RIMS4: variants seen among roughly 807,000 people sequenced by gnomAD.
RIMS4 encodes the protein regulating synaptic membrane exocytosis 4, also known as regulating synaptic membrane exocytosis protein 4.
In RIMS4, 9 loss-of-function variants were observed where a neutral mutation model predicts 29.0. The observed-to-expected ratio is 0.31, with a 90% CI of 0.19 to 0.54. The LOEUF (loss-of-function observed/expected upper bound fraction) is 0.54. Among genes scored for constraint, RIMS4 ranks in the 20% least tolerant of loss-of-function variants. The pLI, the probability that RIMS4 is intolerant of heterozygous loss-of-function variation, is 0.94. For synonymous variants in RIMS4, 130 were observed against 152.9 expected, an observed-to-expected ratio of 0.85 and a Z score of 1.10; for missense variants, 193 against 365.7, an observed-to-expected ratio of 0.53 and a Z score of 3.85.
At chr20:44,809,080 C>T (rs1303957699) in intron 1 of RIMS4, among the ~76,000 whole-genome samples, 1 of 152,160 alleles carries the variant, frequency 6.6e-6, no homozygotes, top group Admixed American at 6.5e-5. Flanking sequence ...ACACTGAACT[C>T]CACCCTCACA....
chr20:44,774,158 GTGAC>G (rs1262246901), intron 1 of RIMS4, among the ~76,000 whole-genome samples: 1 of 152,106 alleles, frequency 6.6e-6, no homozygotes, highest in East Asian at 1.9e-4. Flanking sequence ...GGCCCCCAAA[GTGAC>G]TGTTCCAGTG....
intron 1 of RIMS4, among the ~76,000 whole-genome samples, chr20:44,778,153 A>G (rs572468065): frequency 1.3e-5 from 2 of 152,310 alleles, no homozygotes; most frequent in African/African-American, 4.8e-5. Context: ...CAGAGCACTG[A>G]TGTTGCCTCT....
In RIMS4 at chr20:44,799,722, G is replaced by A. The variant is rs546748131; in HGVS notation, c.97+10453C>T. Among the ~76,000 whole-genome samples, 3 of 152,252 alleles carry A rather than the reference G, an allele frequency of 2.0e-5. No individual in the cohort carries two copies. The South Asian group carries it at 6.2e-4, about 32-fold the overall frequency. ...CTCAGGTGCCGCAGGGTCCATGATG[G>A]CTACTTGGGGTGCCTCAGGGGACAG... is the stretch of plus-strand genomic sequence containing the variant. On this transcript the variant is annotated intron_variant, in intron 1 of 5. Transcript: ENST00000372851.
intron 2 of RIMS4, among the ~76,000 whole-genome samples, chr20:44,770,205 T>C (rs1367198007): frequency 2.6e-5 from 4 of 152,156 alleles, no homozygotes; most frequent in Non-Finnish European, 5.9e-5. Flanking sequence ...GATGCAGTGC[T>C]GGGAAATAAC....
At chr20:44,759,286 G>C (rs1665274239) in intron 2 of RIMS4, among the ~76,000 whole-genome samples, 1 of 151,824 alleles carries the variant, frequency 6.6e-6, no homozygotes, top group South Asian at 2.1e-4. Flanking sequence ...GTTTCCCTCT[G>C]TTGCCCAGTC....
At chr20:44,787,989 T>G (rs912940305) in intron 1 of RIMS4, among the ~76,000 whole-genome samples, 2 of 152,186 alleles carry the variant, frequency 1.3e-5, no homozygotes, top group African/African-American at 4.8e-5. Flanking sequence ...TAGGATCCCT[T>G]TACAAACTAG....
In RIMS4 at chr20:44,808,475, T is replaced by A. The variant is rs138247304; in HGVS notation, c.97+1700A>T. ...CCCAGCCTGGCTCTTGAGATCCAAG[T>A]GGACTGCTGACCACTCTACTGTGTT... On this transcript the variant is annotated intron_variant, in intron 1 of 5. Transcript: ENST00000372851. Among the ~76,000 whole-genome samples, 410 of 152,250 alleles carry A rather than the reference T, an allele frequency of 2.7e-3. 4 individuals carry two copies. The highest frequency in any genetic ancestry group is 0.023 in the East Asian group (118 of 5,180).
intron 1 of RIMS4, among the ~76,000 whole-genome samples, chr20:44,795,352 C>T (rs2066250147): frequency 6.6e-6 from 1 of 152,152 alleles, no homozygotes; most frequent in African/African-American, 2.4e-5. Context: ...ATAGGGATAG[C>T]CAGCCAGGCG....
Position 44,810,513 on chromosome 20 carries a change from CGGT to C in RIMS4, c.-245_-243del, listed in dbSNP as rs1480861134. Among the ~76,000 whole-genome samples, 60 of 141,104 alleles carry C rather than the reference CGGT, an allele frequency of 4.3e-4. 1 individual carries two copies. The highest frequency in any genetic ancestry group is 1.2e-3 in the East Asian group (6 of 4,868). The allele number at this position is 141,104 out of a possible 152,430, so 92.6% of individuals were successfully genotyped here. A position where few individuals can be genotyped will look rare whatever the true frequency, so the allele number is the denominator to read the frequency against. ...CTGCTGGCGGCGGCGGCGGCGGCGG[CGGT>C]GGCGGCGGCGGTGGCGGCGCAGCGC... On this transcript the variant is annotated 5_prime_UTR_variant, in exon 1 of 6. Coordinates refer to ENST00000372851, the MANE Select transcript of RIMS4 (RefSeq NM_182970.4).
Position 44,758,204 on chromosome 20 carries a change from G to A in RIMS4, c.237-20C>T, listed in dbSNP as rs770133836. The A allele has an allele frequency of 6.4e-7, 1 of 1,557,488 alleles. No individual in the cohort carries two copies. Among genetic ancestry groups the A allele is most frequent in the Non-Finnish European group, 8.8e-7 (1 of 1,135,246 alleles). On this transcript the variant is annotated intron_variant, in intron 2 of 5. Transcript: ENST00000372851. The stretch of plus-strand genomic sequence containing the variant: ...TTAAGGCTGCAAGAGGAAAAGGTGA[G>A]ACAAAGCACACATTCCCAGTGGTTT...
intron 1 of RIMS4, among the ~76,000 whole-genome samples, chr20:44,777,259 C>T (rs2066164250): frequency 6.6e-6 from 1 of 152,082 alleles, no homozygotes; most frequent in Admixed American, 6.6e-5. Flanking sequence ...AGGATGTGTC[C>T]CCAAGAAAAA....
intron 4 of RIMS4, 87 bp downstream of exon 4, chr20:44,757,583 A>G (rs1406819059): frequency 5.4e-6 from 6 of 1,109,590 alleles, no homozygotes; most frequent in South Asian, 1.3e-5. Flanking sequence ...GTTGGGCCCA[A>G]TTTTCTCTCT....
At chr20:44,793,842 AG>A (rs1452362538) in intron 1 of RIMS4, among the ~76,000 whole-genome samples, 13 of 152,122 alleles carry the variant, frequency 8.5e-5, no homozygotes, top group Non-Finnish European at 1.2e-4. Flanking sequence ...GACCAAGGTG[AG>A]AGGATTGCTT....
chr20:44,757,641 C>G (rs1476559459), intron 4 of RIMS4, 29 bp downstream of exon 4: 17 of 1,553,908 alleles, frequency 1.1e-5, no homozygotes, highest in East Asian at 2.2e-5. Flanking sequence ...CCTCCACCCC[C>G]ACCTTGCAGG....
intron 1 of RIMS4, among the ~76,000 whole-genome samples, chr20:44,784,538 T>C (rs1008494267): frequency 1.3e-5 from 2 of 152,250 alleles, no homozygotes; most frequent in East Asian, 1.9e-4. Flanking sequence ...TTGCTCCAGC[T>C]TGGCTCATCC....
At chr20:44,771,452 C>G in intron 1 of RIMS4, 39 bp from the exon 2 acceptor site, 1 of 1,588,512 alleles carries the variant, frequency 6.3e-7, no homozygotes, top group Non-Finnish European at 8.6e-7. Context: ...GGAAGAGAGA[C>G]ACAGGTGGGA....
intron 1 of RIMS4, among the ~76,000 whole-genome samples, chr20:44,775,778 A>G (rs931994431): frequency 6.6e-6 from 1 of 152,208 alleles, no homozygotes; most frequent in South Asian, 2.1e-4. Flanking sequence ...TAAGCAAGTA[A>G]AAGTTCAAAA....
At chr20:44,786,561 C>G (rs1052485313) in intron 1 of RIMS4, among the ~76,000 whole-genome samples, 1 of 152,234 alleles carries the variant, frequency 6.6e-6, no homozygotes, top group Non-Finnish European at 1.5e-5. Flanking sequence ...ACCCACTGAG[C>G]TCTTCTAGTC....
At chr20:44,757,966 G>A (rs1007358554) in intron 3 of RIMS4, 106 bp downstream of exon 3, 7 of 993,848 alleles carry the variant, frequency 7.0e-6, no homozygotes, top group African/African-American at 6.4e-5. Context: ...GGCGGCATGC[G>A]CAGAGGATGG....
Sources: allele counts gnomAD v4.1 joint callset (sites outside exome capture counted in the v4.1 genomes callset), GRCh38; gene constraint gnomAD v4.1.1; transcripts MANE v1.5; gene names NCBI Gene and HGNC (gene_info 2026-07-23, HGNC 2026-07-21).